Variants in STON2 observed in about 807,000 individuals in gnomAD.
STON2 encodes stonin 2, also known as stonin-2.
STON2 carries 29 observed loss-of-function variants against 65.7 expected under a neutral mutation model. The ratio of observed to expected loss-of-function variants is 0.44; its 90% confidence interval spans 0.33 to 0.60. The LOEUF is 0.60. Among genes scored for constraint, STON2 ranks in the 20% least tolerant of loss-of-function variants. STON2 has a pLI of 0.03. For missense variants in STON2, 1,054 were observed against 1,118.1 expected, an observed-to-expected ratio of 0.94 and a Z score of 0.82; for synonymous variants, 404 against 414.2, an observed-to-expected ratio of 0.98 and a Z score of 0.30.
intron 4 of STON2, among the ~76,000 whole-genome samples, chr14:81,364,388 T>G (rs1350672177): frequency 6.6e-6 from 1 of 152,218 alleles, no homozygotes; most frequent in Non-Finnish European, 1.5e-5. Context: ...AAAGTAAGGC[T>G]AACTTTATAA....
chr14:81,324,715 G>A (rs1896945485), intron 4 of STON2, among the ~76,000 whole-genome samples: 1 of 152,216 alleles, frequency 6.6e-6, no homozygotes, highest in Non-Finnish European at 1.5e-5. Flanking sequence ...CATTCTTGAA[G>A]TAGGCATCTA....
intron 4 of STON2, chr14:81,333,410 A>T: frequency 2.5e-6 from 1 of 392,386 alleles, no homozygotes; most frequent in Non-Finnish European, 4.6e-6. Flanking sequence ...TAAGAGCTTT[A>T]AATACGTTTT....
intron 4 of STON2, 63 bp downstream of exon 4, chr14:81,370,925 A>G (rs892811095): frequency 2.0e-5 from 29 of 1,479,576 alleles, no homozygotes; most frequent in Non-Finnish European, 2.5e-5. Context: ...AAAGGACTTT[A>G]AAGTGGACCT....
In STON2 at chr14:81,261,652, T is replaced by C. The variant is rs922727563; in HGVS notation, c.*6762A>G. 29 of 854,860 alleles carry C rather than the reference T, an allele frequency of 3.4e-5. No individual in the cohort carries two copies. Among genetic ancestry groups the C allele is most frequent in the Middle Eastern group, 2.7e-4 (1 of 3,644 alleles). The allele number at this position is 854,860 out of a possible 1,614,324, so 53.0% of individuals were successfully genotyped here. Reference sequence around the variant, plus strand: ...AATTTTCACAATATTTTATACAAAATGACAAATATATATATACCTCATTGA... The same window carrying C: ...AATTTTCACAATATTTTATACAAAACGACAAATATATATATACCTCATTGA... On this transcript the variant is annotated 3_prime_UTR_variant, in exon 8 of 8. Coordinates refer to ENST00000614646, the MANE Select transcript of STON2 (RefSeq NM_001394390.1).
intron 7 of STON2, chr14:81,269,160 T>C (rs8007436): frequency 0.14 from 27,625 of 201,154 alleles, 2,441 homozygotes; most frequent in African/African-American, 0.27. Context: ...CACGCACCAC[T>C]GCGCCTGGCT....
At chr14:81,323,668 C>T (rs940016670) in intron 5 of STON2, 2 of 152,298 alleles carry the variant, frequency 1.3e-5, no homozygotes, top group African/African-American at 4.8e-5. Context: ...AGGTGCCTAT[C>T]TATTAAAATG....
intron 6 of STON2, among the ~76,000 whole-genome samples, chr14:81,272,627 A>G (rs1256064779): frequency 6.6e-6 from 1 of 152,228 alleles, no homozygotes; most frequent in African/African-American, 2.4e-5. Context: ...CTAAAGAGTA[A>G]TGCTTTGGAA....
intron 5 of STON2, among the ~76,000 whole-genome samples, chr14:81,317,537 C>A (rs1246617307): frequency 6.6e-6 from 1 of 152,192 alleles, no homozygotes; most frequent in East Asian, 1.9e-4. Flanking sequence ...TATGTGACAA[C>A]ACTGGTTTCC....
intron 1 of STON2, among the ~76,000 whole-genome samples, chr14:81,432,932 C>A (rs1902276226): frequency 6.6e-6 from 1 of 151,506 alleles, no homozygotes; most frequent in African/African-American, 2.5e-5. Flanking sequence ...AATGTCTCCC[C>A]TTAGTTTAGT....
chr14:81,335,660 T>C (rs935067524), intron 4 of STON2, among the ~76,000 whole-genome samples: 1 of 152,112 alleles, frequency 6.6e-6, no homozygotes, highest in Non-Finnish European at 1.5e-5. Context: ...GATTTCAGAG[T>C]ATCGCAATGG....
Position 81,266,211 on chromosome 14 carries a change from T to A in STON2, c.*2203A>T. Reference sequence around the variant, plus strand: ...TCCCTTTCACAGCACGTGGGATAGGTGGTTATTTTAACTGTTGGGCATTCA... The same window carrying A: ...TCCCTTTCACAGCACGTGGGATAGGAGGTTATTTTAACTGTTGGGCATTCA... On this transcript the variant is annotated 3_prime_UTR_variant, in exon 8 of 8. Transcript: ENST00000614646. 1.7e-6 allele frequency: 1 copy of A among 590,334 alleles called. No individual in the cohort carries two copies. Among genetic ancestry groups the A allele is most frequent in the Non-Finnish European group, 2.1e-6 (1 of 469,354 alleles). 36.6% of individuals were successfully genotyped at this position (590,334 alleles called of 1,614,324 possible).
intron 5 of STON2, among the ~76,000 whole-genome samples, chr14:81,300,300 T>A (rs1566896644): frequency 1.3e-5 from 2 of 151,328 alleles, no homozygotes; most frequent in Admixed American, 6.6e-5. Context: ...CTGAAAGGGA[T>A]CACAGATCTA....
intron 5 of STON2, among the ~76,000 whole-genome samples, chr14:81,302,819 C>T (rs932074417): frequency 1.3e-4 from 20 of 152,290 alleles, no homozygotes; most frequent in South Asian, 6.2e-4. Flanking sequence ...AATGGGATAA[C>T]GATGCCCTGC....
chr14:81,314,692 C>T (rs1896555363), intron 5 of STON2, among the ~76,000 whole-genome samples: 1 of 152,206 alleles, frequency 6.6e-6, no homozygotes, highest in African/African-American at 2.4e-5. Flanking sequence ...TTACAGAGAT[C>T]ACAAGAAACA....
chr14:81,326,716 A>G (rs1897016160), intron 4 of STON2, among the ~76,000 whole-genome samples: 1 of 152,222 alleles, frequency 6.6e-6, no homozygotes, highest in African/African-American at 2.4e-5. Flanking sequence ...ATTTCTTAGA[A>G]AAACTGTCTA....
chr14:81,396,308 A>T (rs1900319970), intron 2 of STON2, 130 bp from the exon 3 acceptor site: 1 of 769,422 alleles, frequency 1.3e-6, no homozygotes, highest in African/African-American at 1.8e-5. Flanking sequence ...GGGGAGAAGA[A>T]AGAGCCACAC....
chr14:81,271,350 G>A (rs1566879972), intron 6 of STON2, among the ~76,000 whole-genome samples: 1 of 152,134 alleles, frequency 6.6e-6, no homozygotes, highest in East Asian at 1.9e-4. Flanking sequence ...GCATGCTTTT[G>A]CGGGTAAATG....
chr14:81,290,049 A>G (rs1895493946), intron 5 of STON2, among the ~76,000 whole-genome samples: 1 of 152,224 alleles, frequency 6.6e-6, no homozygotes, highest in South Asian at 2.1e-4. Context: ...ACTTTTCACC[A>G]GCACTAAAGT....
intron 5 of STON2, among the ~76,000 whole-genome samples, chr14:81,296,391 A>C (rs1895761625): frequency 6.6e-6 from 1 of 152,210 alleles, no homozygotes; most frequent in Admixed American, 6.5e-5. Flanking sequence ...TAATGGGATC[A>C]AGACTTCTAT....
Sources: allele counts gnomAD v4.1 joint callset (sites outside exome capture counted in the v4.1 genomes callset), GRCh38; gene constraint gnomAD v4.1.1; transcripts MANE v1.5; gene names NCBI Gene and HGNC (gene_info 2026-07-23, HGNC 2026-07-21).